The following CRY2 variants were observed in gnomAD, a reference collection of about 807,000 sequenced individuals.
CRY2 encodes cryptochrome circadian regulator 2, also known as cryptochrome-2.
CRY2 carries 31 observed loss-of-function variants against 69.5 expected under a neutral mutation model. The ratio of observed to expected loss-of-function variants is 0.45; its 90% CI spans 0.34 to 0.60. The LOEUF (loss-of-function observed/expected upper bound fraction) is 0.60, where lower values mean the gene tolerates loss of function less well. Among genes scored for constraint, CRY2 ranks in the 20% least tolerant of loss-of-function variants. CRY2 has a pLI of 0.02. For missense variants in CRY2, 606 were observed against 797.8 expected, an observed-to-expected ratio of 0.76 and a Z score of 2.90; for synonymous variants, 303 against 312.2, an observed-to-expected ratio of 0.97 and a Z score of 0.31.
rs1165836826 is a variant in CRY2, at chr11:45,867,770, GC to G, written c.882+21del. The G allele has an allele frequency of 6.2e-7, 1 of 1,613,864 alleles. No homozygotes were observed. Among genetic ancestry groups the G allele is most frequent in the African/African-American group, 1.3e-5 (1 of 74,922 alleles). ...ATAAAAAGGTAAGGGGGACATACCT[GC>G]CCACATTGCACCTAAGGCCTGCAGC... is the stretch of plus-strand genomic sequence containing the variant. On this transcript the variant is annotated intron_variant, in intron 6 of 11. Coordinates refer to ENST00000616080, the MANE Select transcript of CRY2 (RefSeq NM_021117.5).
At chr11:45,856,669 A>G (rs4756037) in intron 2 of CRY2, among the ~76,000 whole-genome samples, 117,769 of 152,026 alleles carry the variant, frequency 0.77, 47,079 homozygotes, top group Non-Finnish European at 0.88. Context: ...GTTGGCTGGC[A>G]CCTGTAGTCC....
intron 5 of CRY2, among the ~76,000 whole-genome samples, chr11:45,866,912 G>A (rs1182734481): frequency 1.3e-5 from 2 of 151,918 alleles, no homozygotes; most frequent in Non-Finnish European, 2.9e-5. Context: ...CCGAGATCAC[G>A]CCACTGCACT....
chr11:45,876,416 C>G (rs978214059), intron 11 of CRY2, among the ~76,000 whole-genome samples: 1 of 152,228 alleles, frequency 6.6e-6, no homozygotes, highest in Non-Finnish European at 1.5e-5. Context: ...ACAGCATTCA[C>G]TAAACTGAAA....
intron 1 of CRY2, among the ~76,000 whole-genome samples, chr11:45,850,209 A>G (rs185070756): frequency 1.2e-3 from 178 of 151,896 alleles, no homozygotes; most frequent in African/African-American, 4.2e-3. Context: ...GGGTTTCACC[A>G]TGTTCTCCAG....
At chr11:45,869,952 C>T (rs981375936) in intron 7 of CRY2, 101 bp from the exon 8 acceptor site, 15 of 1,516,282 alleles carry the variant, frequency 9.9e-6, no homozygotes, top group Non-Finnish European at 1.2e-5. Flanking sequence ...TGTGGCTTGC[C>T]TTCAATGGAA....
In CRY2 at chr11:45,867,655, C is replaced by T; in HGVS notation, c.785C>T (p.Ser262Phe). Residue 262 changes from serine (S) to phenylalanine (F), a missense_variant, in exon 6 of 12, where the codon TCC becomes TTC. Ser to Phe is a radical substitution (Grantham distance 155). Transcript: ENST00000616080. ...GAGAGACCCCGAATGAACGCCAACT[C>T]CCTCCTGGCCAGCCCCACAGGCCTC... ...NYERPRMNAN[S>F]LLASPTGLSP... The T allele has an allele frequency of 6.2e-7, 1 of 1,614,250 alleles. No individual in the cohort carries two copies. The highest frequency in any genetic ancestry group is 8.5e-7 in the Non-Finnish European group (1 of 1,180,046).
chr11:45,856,187 A>G (rs911975826), intron 2 of CRY2, 97 bp downstream of exon 2: 5 of 1,030,180 alleles, frequency 4.9e-6, no homozygotes, highest in Non-Finnish European at 5.9e-6. Flanking sequence ...GGGAATGGAA[A>G]CATCAGGGCT....
chr11:45,847,149 C>T (rs1345052683), upstream of CRY2: 7 of 1,536,142 alleles, frequency 4.6e-6, no homozygotes, highest in Non-Finnish European at 6.2e-6. Context: ...CTGAACAGGA[C>T]GTGGGTAAGA....
chr11:45,851,858 T>A (rs1366974633), intron 1 of CRY2, among the ~76,000 whole-genome samples: 3 of 152,192 alleles, frequency 2.0e-5, no homozygotes, highest in Non-Finnish European at 4.4e-5. Context: ...TAACCTTGCC[T>A]TGAAGCAGAG....
rs886838614 is a variant in CRY2 at position 45,870,868 on chromosome 11, G to A, written c.1576G>A (p.Val526Met). ...TCTACTGGCATCTGTCCCTTCCTGT[G>A]TGGAAGACCTCAGTCACCCTGTGGC... ...LCLLASVPSCVEDLSHPVAEP... is the reference protein window; with the variant it reads ...LCLLASVPSCMEDLSHPVAEP... The change falls in exon 10 of 12, where the codon GTG becomes ATG. Residue 526 changes from valine to methionine, a missense_variant. Val to Met is a conservative substitution (Grantham distance 21). Transcript: ENST00000616080. 2 of 1,613,618 alleles carry A rather than the reference G, an allele frequency of 1.2e-6. No individual in the cohort carries two copies. The highest frequency in any genetic ancestry group is 1.7e-6 in the Non-Finnish European group (2 of 1,180,010).
chr11:45,867,265 G>A (rs1428214836), intron 5 of CRY2, among the ~76,000 whole-genome samples: 2 of 152,218 alleles, frequency 1.3e-5, no homozygotes, highest in Admixed American at 1.3e-4. Flanking sequence ...GTTTCCTGCT[G>A]TATAATTAGA....
At chr11:45,847,473 G>A (rs1294090408), upstream of CRY2, 1 of 1,599,292 alleles carries the variant, frequency 6.3e-7, no homozygotes, top group Non-Finnish European at 8.5e-7. Flanking sequence ...GGGGGTGGCT[G>A]GAGCAGTCTG....
chr11:45,878,920 TAAAAAAAAA>T (rs57461093), intron 11 of CRY2, among the ~76,000 whole-genome samples: 10 of 49,362 alleles, frequency 2.0e-4, no homozygotes, highest in Non-Finnish European at 2.6e-4. Flanking sequence ...CTCCATCTAT[TAAAAAAAAA>T]AAAAAAAAAA....
At chr11:45,855,047 T>C (rs971283767) in intron 1 of CRY2, among the ~76,000 whole-genome samples, 5 of 152,226 alleles carry the variant, frequency 3.3e-5, no homozygotes, top group African/African-American at 1.2e-4. Flanking sequence ...ATAATGTTAA[T>C]TTAATTTAAA....
chr11:45,872,782 GAGAA>G (rs2086396549), intron 11 of CRY2, among the ~76,000 whole-genome samples: 1 of 152,180 alleles, frequency 6.6e-6, no homozygotes, highest in African/African-American at 2.4e-5. Flanking sequence ...TCACACTCAA[GAGAA>G]AGAAAGCTGA....
At chr11:45,862,768 G>T (rs1166401521) in intron 5 of CRY2, among the ~76,000 whole-genome samples, 2 of 152,128 alleles carry the variant, frequency 1.3e-5, no homozygotes. Flanking sequence ...ATTTCCATAT[G>T]CTTGGACACA....
intron 7 of CRY2, 68 bp from the exon 8 acceptor site, chr11:45,869,985 T>G (rs1282058184): frequency 5.2e-6 from 8 of 1,534,692 alleles, no homozygotes; most frequent in Middle Eastern, 2.3e-4. Flanking sequence ...CTGGGGGCAC[T>G]GTGGTGACTT....
intron 3 of CRY2, among the ~76,000 whole-genome samples, chr11:45,860,604 G>T (rs1419192463): frequency 6.6e-6 from 1 of 152,046 alleles, no homozygotes; most frequent in Non-Finnish European, 1.5e-5. Flanking sequence ...TTGAGTCCCA[G>T]CTCTGGCCCT....
intron 11 of CRY2, among the ~76,000 whole-genome samples, chr11:45,874,019 T>C (rs1363574275): frequency 6.6e-6 from 1 of 152,144 alleles, no homozygotes; most frequent in Admixed American, 6.5e-5. Context: ...CAGTGGCTCA[T>C]GCCTATAATC....
Sources: gnomAD v4.1 joint callset for allele counts (sites outside exome capture counted in the v4.1 genomes callset) on GRCh38, gnomAD v4.1.1 for gene constraint, MANE v1.5 for transcripts, NCBI Gene and HGNC (gene_info 2026-07-23, HGNC 2026-07-21) for gene names.